The following ATXN7 variants were observed in gnomAD, a reference collection of about 807,000 sequenced individuals.
ATXN7 encodes ataxin 7, also known as ataxin-7.
A neutral mutation model predicts 70.5 loss-of-function variants in ATXN7; 12 were observed. That is an observed-to-expected ratio of 0.17 (90% confidence interval 0.11 to 0.28). The LOEUF (loss-of-function observed/expected upper bound fraction) is 0.28. Ranked by LOEUF, ATXN7 falls within the 10% of genes least tolerant of loss-of-function variation. The probability of loss-of-function intolerance (pLI) is 1.00; values close to 1 mark genes in which losing one functional copy is unlikely to be tolerated. For missense variants in ATXN7, 1,256 were observed against 1,131.7 expected (o/e 1.11, Z -1.58); for synonymous variants, 498 against 448.7 (o/e 1.11, Z -1.39).
At chr3:63,887,034 A>C (rs543032555) in intron 1 of ATXN7, among the ~76,000 whole-genome samples, 7 of 152,184 alleles carry the variant, frequency 4.6e-5, no homozygotes, top group Admixed American at 1.3e-4. Context: ...ACTCCCATGA[A>C]GTTTCAATGG....
chr3:63,873,629 A>G (rs145636806), intron 1 of ATXN7: 68 of 152,300 alleles, frequency 4.5e-4, no homozygotes, highest in African/African-American at 1.6e-3. Context: ...TGGTTTAGAC[A>G]TTGTATCACA....
chr3:63,930,424 G>T (rs190700780), intron 4 of ATXN7, among the ~76,000 whole-genome samples: 96 of 152,268 alleles, frequency 6.3e-4, no homozygotes, highest in African/African-American at 1.8e-3. Flanking sequence ...AGCTTTCCCT[G>T]GAAGGCCTTG....
chr3:63,934,874 C>T (rs2074630086), intron 4 of ATXN7, among the ~76,000 whole-genome samples: 1 of 152,144 alleles, frequency 6.6e-6, no homozygotes, highest in Non-Finnish European at 1.5e-5. Flanking sequence ...AGAGAATGTT[C>T]TATGCATTGT....
At chr3:63,973,962 G>A (rs1235220885) in intron 5 of ATXN7, among the ~76,000 whole-genome samples, 1 of 152,074 alleles carries the variant, frequency 6.6e-6, no homozygotes, top group Admixed American at 6.5e-5. Flanking sequence ...GTGAAGGGTG[G>A]GGACCAGTTA....
chr3:63,928,587 C>T (rs923057275), intron 4 of ATXN7, among the ~76,000 whole-genome samples: 2 of 152,172 alleles, frequency 1.3e-5, no homozygotes, highest in African/African-American at 4.8e-5. Context: ...TCAATCCTTA[C>T]AGCAGTAGTC....
intron 1 of ATXN7, among the ~76,000 whole-genome samples, chr3:63,889,925 T>C (rs950794998): frequency 6.6e-6 from 1 of 152,254 alleles, no homozygotes; most frequent in Non-Finnish European, 1.5e-5. Context: ...CATCCTCTAC[T>C]TACCAGCTTA....
chr3:63,980,223 C>T (rs2075462842), intron 6 of ATXN7, 56 bp downstream of exon 6: 1 of 1,598,634 alleles, frequency 6.3e-7, no homozygotes, highest in Non-Finnish European at 8.6e-7. Context: ...AAACTGTGTA[C>T]ACTAGTGGCA....
At position 64,002,104 on chromosome 3, in the gene ATXN7, G is replaced by A. The variant is rs1321820717; in HGVS notation, c.*2637G>A. 1.3e-5 allele frequency: 2 copies of A among 151,788 alleles called. No homozygotes were observed. The highest frequency in any genetic ancestry group is 2.9e-5 in the Non-Finnish European group (2 of 67,942). 9.4% of individuals were successfully genotyped at this position (151,788 alleles called of 1,614,324 possible). On this transcript the variant is annotated 3_prime_UTR_variant, in exon 13 of 13. Transcript: ENST00000674280. ...TTCTTGTTCTATTATAAATATGGAA[G>A]TATCCCTATTTCAGAAGACATATTT...
intron 5 of ATXN7, among the ~76,000 whole-genome samples, chr3:63,972,650 A>G (rs1251421856): frequency 6.6e-6 from 1 of 152,106 alleles, no homozygotes; most frequent in Non-Finnish European, 1.5e-5. Context: ...CCAGCCTTTT[A>G]TTTGTAAAAT....
chr3:63,894,415 T>C (rs553264238), intron 1 of ATXN7, among the ~76,000 whole-genome samples: 1 of 152,324 alleles, frequency 6.6e-6, no homozygotes, highest in South Asian at 2.1e-4. Flanking sequence ...TTGCAGTGAG[T>C]ATCAAGATGG....
At chr3:63,920,666 T>G (rs749517026) in intron 4 of ATXN7, among the ~76,000 whole-genome samples, 22 of 152,204 alleles carry the variant, frequency 1.4e-4, no homozygotes, top group Admixed American at 3.3e-4. Flanking sequence ...AGTTGTTCTT[T>G]TATAACATTT....
At chr3:63,955,950 A>C (rs759830881) in intron 5 of ATXN7, among the ~76,000 whole-genome samples, 1 of 152,190 alleles carries the variant, frequency 6.6e-6, no homozygotes, top group Non-Finnish European at 1.5e-5. Context: ...AACTATTCTG[A>C]ATTGGTGAGC....
chr3:63,995,746 C>G lies in ATXN7; in HGVS notation c.1924C>G (p.Gln642Glu), dbSNP rs200483516. The G allele has an allele frequency of 7.4e-6, 12 of 1,614,126 alleles. No individual in the cohort carries two copies. The highest frequency in any genetic ancestry group is 2.7e-5 in the African/African-American group (2 of 74,948). Reference sequence around the variant, plus strand: ...GGCGATGGATCCTGTGTGCAGTATGCAATCCAGACAAGTGTCCTCTTCATC... The same window carrying G: ...GGCGATGGATCCTGTGTGCAGTATGGAATCCAGACAAGTGTCCTCTTCATC... Reference protein sequence around the residue: ...SGAMDPVCSMQSRQVSSSSSS... With the variant: ...SGAMDPVCSMESRQVSSSSSS... Residue 642 changes from glutamine (Q) to glutamate (E), a missense_variant, in exon 12 of 13, where the codon CAA becomes GAA. Coordinates refer to ENST00000674280, the MANE Select transcript of ATXN7 (RefSeq NM_001377405.1).
intron 4 of ATXN7, among the ~76,000 whole-genome samples, chr3:63,947,250 A>G (rs1432906789): frequency 6.6e-6 from 1 of 152,126 alleles, no homozygotes; most frequent in Non-Finnish European, 1.5e-5. Flanking sequence ...CCTTTGAAGT[A>G]CCCAGTGAAG....
At chr3:63,967,657 C>A in intron 5 of ATXN7, 1 of 665,718 alleles carries the variant, frequency 1.5e-6, no homozygotes. Context: ...CCAGTTTTGA[C>A]AAGTTGCCTT....
At chr3:63,978,346 C>T (rs1254665808) in intron 5 of ATXN7, among the ~76,000 whole-genome samples, 1 of 152,134 alleles carries the variant, frequency 6.6e-6, no homozygotes, top group Non-Finnish European at 1.5e-5. Flanking sequence ...AATTGAAGAC[C>T]TCTGTCCCAT....
At chr3:63,993,343 C>A (rs1482230447) in intron 11 of ATXN7, among the ~76,000 whole-genome samples, 2 of 143,508 alleles carry the variant, frequency 1.4e-5, no homozygotes, top group African/African-American at 5.3e-5. Context: ...AAAAGGAAAA[C>A]CAAGGCTGAG....
At chr3:63,948,778 A>G (rs998988811) in intron 4 of ATXN7, among the ~76,000 whole-genome samples, 1 of 152,170 alleles carries the variant, frequency 6.6e-6, no homozygotes, top group Non-Finnish European at 1.5e-5. Context: ...TCCAAAGTAC[A>G]TGATGGCCTA....
chr3:63,936,343 T>C (rs553621542), intron 4 of ATXN7, among the ~76,000 whole-genome samples: 1 of 152,310 alleles, frequency 6.6e-6, no homozygotes, highest in Admixed American at 6.5e-5. Context: ...GTGACACAGC[T>C]TACTGTGTAG....
Sources: gnomAD v4.1 joint callset for allele counts (sites outside exome capture counted in the v4.1 genomes callset) on GRCh38, gnomAD v4.1.1 for gene constraint, MANE v1.5 for transcripts, NCBI Gene and HGNC (gene_info 2026-07-23, HGNC 2026-07-21) for gene names.